The following RIF1 variants were observed in gnomAD, a reference collection of about 807,000 sequenced individuals.
RIF1 encodes telomere-associated protein RIF1.
In RIF1, 45 loss-of-function variants were observed where a neutral mutation model predicts 247.1. The observed-to-expected ratio is 0.18, with a 90% CI of 0.14 to 0.23. The LOEUF (loss-of-function observed/expected upper bound fraction) is 0.23. Ranked by LOEUF, RIF1 falls within the 10% of genes least tolerant of loss-of-function variation. The probability of loss-of-function intolerance (pLI) is 1.00; values close to 1 mark genes in which losing one functional copy is unlikely to be tolerated. For synonymous variants in RIF1, 1,087 were observed against 978.8 expected (o/e 1.11, Z -2.06); for missense variants, 2,967 against 2,862.5 (o/e 1.04, Z -0.83).
chr2:151,446,670 G>A, intron 20 of RIF1, 95 bp downstream of exon 20: 2 of 1,197,326 alleles, frequency 1.7e-6, no homozygotes, highest in South Asian at 2.6e-5. Context: ...ACCTATTACT[G>A]CCTCTATTTA....
At position 151,438,689 on chromosome 2, in the gene RIF1, G is replaced by T; in HGVS notation, c.1489G>T (p.Val497Phe). 6.2e-7 allele frequency: 1 copy of T among 1,611,096 alleles called. No individual in the cohort carries two copies. The highest frequency in any genetic ancestry group is 8.5e-7 in the Non-Finnish European group (1 of 1,177,318). Residue 497 changes from valine to phenylalanine, a missense_variant, in exon 14 of 36, where the codon GTT (valine) becomes TTT (phenylalanine). Physicochemically the swap from Val to Phe is conservative, Grantham distance 50. Around this residue, in one of 7 missense-constraint regions of RIF1, gnomAD observed 369 missense variants for 322.0 expected, o/e 1.15. Transcript: ENST00000444746. ...AAGTTTATTTTGTTTGACAGATGTG[G>T]TTGTCAGTGCTATCTGGAAGGAGCT... The part of the protein sequence containing the change: ...VAVGKDAPDV[V>F]VSAIWKELIS...
rs1012748364 is a variant in RIF1, at chr2:151,461,512, C to T, written c.3227+223C>T. The stretch of plus-strand genomic sequence containing the variant: ...GTTCACGCTATTCTCCTGCCTCAGC[C>T]TCCCGAGTAGCTGGGACCACAGGCA... On this transcript the variant is annotated intron_variant, in intron 27 of 35. Coordinates refer to ENST00000444746, the MANE Select transcript of RIF1 (RefSeq NM_018151.5). Among the ~76,000 whole-genome samples the T allele has an allele frequency of 2.0e-5, 3 of 151,926 alleles. No individual in the cohort carries two copies. The East Asian group carries it at 5.8e-4, about 29-fold the overall frequency.
chr2:151,483,132 CA>C (rs1314300428), downstream of RIF1: 1 of 151,980 alleles, frequency 6.6e-6, no homozygotes, highest in East Asian at 1.9e-4. Flanking sequence ...GGACACAATA[CA>C]GTTCATACAT....
chr2:151,452,881 C>G (rs776228954), intron 21 of RIF1, among the ~76,000 whole-genome samples: 2 of 152,192 alleles, frequency 1.3e-5, no homozygotes, highest in Non-Finnish European at 2.9e-5. Flanking sequence ...CCCACAGTTA[C>G]AAATGTCTTT....
intron 27 of RIF1, 62 bp downstream of exon 27, chr2:151,461,351 A>T (rs535883794): frequency 9.9e-6 from 15 of 1,509,872 alleles, no homozygotes; most frequent in Non-Finnish European, 1.3e-5. Flanking sequence ...TCATGCAAGA[A>T]AAGTGTAACT....
intron 26 of RIF1, 151 bp downstream of exon 26, chr2:151,460,270 A>G (rs921244158): frequency 3.2e-6 from 2 of 620,614 alleles, no homozygotes; most frequent in Non-Finnish European, 5.3e-6. Flanking sequence ...AAAGACTGCT[A>G]GGATAGCATG....
chr2:151,492,123 A>C (rs186981499), intron 9 of RIF1: 2 of 1,613,876 alleles, frequency 1.2e-6, no homozygotes, highest in Non-Finnish European at 8.5e-7. Context: ...GATCTTGGTC[A>C]TTCCGTTTTT....
intron 20 of RIF1, among the ~76,000 whole-genome samples, chr2:151,451,152 C>T (rs1451894117): frequency 6.6e-6 from 1 of 152,156 alleles, no homozygotes; most frequent in African/African-American, 2.4e-5. Context: ...TGTCAGTCAA[C>T]AACAGACCGC....
At chr2:151,502,636 C>T (rs566465441) in intron 11 of RIF1, among the ~76,000 whole-genome samples, 3 of 152,038 alleles carry the variant, frequency 2.0e-5, no homozygotes, top group South Asian at 4.2e-4. Context: ...AAATTTCACA[C>T]CAGAACTAAA....
At chr2:151,531,042 G>T in the RIF1 span, 1 of 1,613,560 alleles carries the variant, frequency 6.2e-7, no homozygotes, top group Admixed American at 1.7e-5. Flanking sequence ...ACATGGGTGT[G>T]TCGTGGATTG....
chr2:151,521,767 A>G, the RIF1 span, among the ~76,000 whole-genome samples: 1 of 152,208 alleles, frequency 6.6e-6, no homozygotes, highest in African/African-American at 2.4e-5. Context: ...TTTAACTGAA[A>G]AAAAGTTATG....
chr2:151,416,821 T>G lies in RIF1; in HGVS notation c.423T>G (p.Ile141Met). Reference sequence around the variant, plus strand: ...TCGTTTTTTAGGTATCCAGTATAATTGATTCATTAGAAATACTGTTTAACA... The same window carrying G: ...TCGTTTTTTAGGTATCCAGTATAATGGATTCATTAGAAATACTGTTTAACA... Reference protein sequence around the residue: ...EVVGKMVSSIIDSLEILFNKG... With the variant: ...EVVGKMVSSIMDSLEILFNKG... The change falls in exon 6 of 36, where the codon ATT becomes ATG. Residue 141 changes from isoleucine to methionine, a missense_variant. Physicochemically the swap from Ile to Met is conservative, Grantham distance 10. Transcript: ENST00000444746. The G allele has an allele frequency of 6.2e-7, 1 of 1,611,162 alleles. No homozygotes were observed.
At chr2:151,516,398 C>T in the RIF1 span, 1 of 1,184,752 alleles carries the variant, frequency 8.4e-7, no homozygotes, top group Non-Finnish European at 1.2e-6. Flanking sequence ...ATGTCATGGG[C>T]AGAGCTTGTG....
At chr2:151,513,782 C>T in the RIF1 span, 12 of 881,374 alleles carry the variant, frequency 1.4e-5, no homozygotes, top group Non-Finnish European at 2.0e-5. Flanking sequence ...CCACATAACA[C>T]GCCACCCCAG....
At chr2:151,431,841 G>A (rs1423158746) in intron 9 of RIF1, among the ~76,000 whole-genome samples, 3 of 151,342 alleles carry the variant, frequency 2.0e-5, no homozygotes, top group African/African-American at 7.3e-5. Flanking sequence ...ACCCCAAAAA[G>A]GAAGTGTCTT....
At position 151,464,711 on chromosome 2, in the gene RIF1, G is replaced by T. The variant is rs759786111; in HGVS notation, c.5191G>T (p.Gly1731Cys). ...AAGTAGGAGGGTGAGGAGATCTAAAGGTTGTGATTGCTGTGGGGAAAAATC... is the reference window on the plus strand; with the variant it reads ...AAGTAGGAGGGTGAGGAGATCTAAATGTTGTGATTGCTGTGGGGAAAAATC... ...KRSRRVRRSK[G>C]CDCCGEKSQP... The change falls in exon 30 of 36, where the codon GGT (glycine) becomes TGT (cysteine). Residue 1731 changes from glycine (G) to cysteine (C), a missense_variant. Gly to Cys is a radical substitution (Grantham distance 159). Transcript: ENST00000444746. 6.2e-7 allele frequency: 1 copy of T among 1,613,290 alleles called. No homozygotes were observed. Among genetic ancestry groups the T allele is most frequent in the Non-Finnish European group, 8.5e-7 (1 of 1,179,750 alleles).
intron 10 of RIF1, chr2:151,498,225 TAA>T: frequency 2.6e-6 from 4 of 1,550,252 alleles, no homozygotes; most frequent in Non-Finnish European, 2.6e-6. Flanking sequence ...ATTCTGAAGT[TAA>T]GTGGCATTTT....
Position 151,443,316 on chromosome 2 carries a change from G to GT in RIF1, c.1793dup (p.Ser599IlefsTer3). On this transcript the variant is annotated frameshift_variant, in exon 17 of 36. Coordinates refer to ENST00000444746, the MANE Select transcript of RIF1 (RefSeq NM_018151.5). LOFTEE classifies it high-confidence loss of function. Reference sequence around the variant, plus strand: ...TTTCAACAATTTCTTGGAATGTGGTGTATCAGATGAAAGGTAAGTTTGTAC... The same window carrying GT: ...TTTCAACAATTTCTTGGAATGTGGTGTTATCAGATGAAAGGTAAGTTTGTAC... The GT allele has an allele frequency of 1.3e-6, 2 of 1,592,576 alleles. No homozygotes were observed. The highest frequency in any genetic ancestry group is 1.7e-6 in the Non-Finnish European group (2 of 1,161,878).
In RIF1 at chr2:151,414,813, G is replaced by T; in HGVS notation, c.184-10G>T. 6.3e-7 allele frequency: 1 copy of T among 1,590,098 alleles called. No individual in the cohort carries two copies. Among genetic ancestry groups the T allele is most frequent in the Non-Finnish European group, 8.6e-7 (1 of 1,165,170 alleles). ...GCTTGTTTGTAATAAATGTGATTTT[G>T]TTTTTGTAGACTCACATTTCCAGTC... On this transcript the variant is annotated splice_polypyrimidine_tract_variant and intron_variant, in intron 3 of 35. Transcript: ENST00000444746.
Sources: gnomAD v4.1 joint callset for allele counts (sites outside exome capture counted in the v4.1 genomes callset) on GRCh38, gnomAD v4.1.1 for gene constraint, gnomAD v4.1.1 regional missense constraint, MANE v1.5 for transcripts, NCBI Gene and HGNC (gene_info 2026-07-23, HGNC 2026-07-21) for gene names.